The following COL5A2 variants were observed in gnomAD, a reference collection of about 807,000 sequenced individuals.
The protein encoded by COL5A2 is collagen type V alpha 2 chain.
COL5A2 carries 23 observed loss-of-function variants against 208.2 expected under a neutral mutation model. The observed-to-expected ratio is 0.11, with a 90% CI of 0.08 to 0.16. The LOEUF is 0.16. Among genes scored for constraint, COL5A2 ranks in the 10% least tolerant of loss-of-function variants. COL5A2 has a pLI of 1.00. For missense variants in COL5A2, 1,590 were observed against 1,956.4 expected, an observed-to-expected ratio of 0.81 and a Z score of 3.53; for synonymous variants, 625 against 628.5, an observed-to-expected ratio of 0.99 and a Z score of 0.08.
the COL5A2 span, among the ~76,000 whole-genome samples, chr2:189,412,701 C>G: frequency 6.6e-6 from 1 of 152,122 alleles, no homozygotes; most frequent in African/African-American, 2.4e-5. Flanking sequence ...CATTTACATA[C>G]CAATGAATTG....
At chr2:189,277,487 A>G in the COL5A2 span, among the ~76,000 whole-genome samples, 1 of 152,080 alleles carries the variant, frequency 6.6e-6, no homozygotes, top group Non-Finnish European at 1.5e-5. Context: ...TATACCCCTT[A>G]AGAGCCAAAC....
chr2:189,128,984 G>C (rs1405838936), intron 1 of COL5A2, among the ~76,000 whole-genome samples: 1 of 151,820 alleles, frequency 6.6e-6, no homozygotes, highest in African/African-American at 2.4e-5. Context: ...TTAGGACTCT[G>C]GTATTTCGGT....
the COL5A2 span, among the ~76,000 whole-genome samples, chr2:189,287,271 G>A: frequency 6.6e-6 from 1 of 151,818 alleles, no homozygotes; most frequent in African/African-American, 2.4e-5. Flanking sequence ...TATCATTAAA[G>A]GTATAAAATT....
At chr2:189,080,611 C>T (rs1686509967) in intron 13 of COL5A2, among the ~76,000 whole-genome samples, 1 of 151,960 alleles carries the variant, frequency 6.6e-6, no homozygotes, top group Non-Finnish European at 1.5e-5. Context: ...TAGACTGGGT[C>T]CCTTCTGTGA....
At chr2:189,388,576 G>T in the COL5A2 span, among the ~76,000 whole-genome samples, 1 of 152,140 alleles carries the variant, frequency 6.6e-6, no homozygotes, top group Non-Finnish European at 1.5e-5. Flanking sequence ...AGGCATTACA[G>T]GCTTTCAAAG....
At chr2:189,350,259 GGAAACGATCA>G in the COL5A2 span, among the ~76,000 whole-genome samples, 1 of 152,042 alleles carries the variant, frequency 6.6e-6, no homozygotes, top group South Asian at 2.1e-4. Flanking sequence ...CATGTGATCA[GGAAACGATCA>G]GAAAGACACA....
Position 189,102,615 on chromosome 2 carries a change from A to G in COL5A2, c.336+1649T>C, listed in dbSNP as rs145481390. On this transcript the variant is annotated intron_variant, in intron 3 of 53. Coordinates refer to ENST00000374866, the MANE Select transcript of COL5A2 (RefSeq NM_000393.5). ...GTGCATTACAATTACTTATCATTTA[A>G]TACCATGTGGACATGCTTTGTAGAA... Among the ~76,000 whole-genome samples the G allele has an allele frequency of 4.9e-4, 74 of 152,218 alleles. No homozygotes were observed. In the Middle Eastern group the frequency reaches 0.01, roughly 21 times the overall value.
intron 1 of COL5A2, among the ~76,000 whole-genome samples, chr2:189,112,198 C>A (rs1576534898): frequency 6.6e-6 from 1 of 152,060 alleles, no homozygotes; most frequent in Admixed American, 6.6e-5. Flanking sequence ...CATAGAACAG[C>A]CATTTAATAA....
At chr2:189,041,457 T>A in intron 50 of COL5A2, 129 bp downstream of exon 50, 1 of 776,268 alleles carries the variant, frequency 1.3e-6, no homozygotes, top group Non-Finnish European at 2.3e-6. Context: ...TATACTCTTG[T>A]GTGACTTCTA....
At chr2:189,331,683 G>A in the COL5A2 span, among the ~76,000 whole-genome samples, 13 of 151,970 alleles carry the variant, frequency 8.6e-5, no homozygotes, top group African/African-American at 3.1e-4. Context: ...TCTTTTTCCT[G>A]TATATGTCTT....
chr2:189,327,695 T>C, the COL5A2 span, among the ~76,000 whole-genome samples: 2 of 152,210 alleles, frequency 1.3e-5, no homozygotes, highest in African/African-American at 2.4e-5. Flanking sequence ...TACCCATACA[T>C]AATAAATTAC....
In COL5A2 at chr2:189,058,896, AT is replaced by A; in HGVS notation, c.2086-4del. On this transcript the variant is annotated splice_polypyrimidine_tract_variant and splice_region_variant and intron_variant, in intron 31 of 53. Coordinates refer to ENST00000374866, the MANE Select transcript of COL5A2 (RefSeq NM_000393.5). ...GCTCCGGGATCTCCAGGAACACCCT[AT>A]AAACACATTTTTTTTTTTTAATGGA... 1.3e-6 allele frequency: 2 copies of A among 1,533,276 alleles called. No individual in the cohort carries two copies. Among genetic ancestry groups the A allele is most frequent in the Non-Finnish European group, 1.8e-6 (2 of 1,142,068 alleles). The allele number at this position is 1,533,276 out of a possible 1,614,324, so 95.0% of individuals were successfully genotyped here.
Position 189,033,975 on chromosome 2 carries a change from CAA to C in COL5A2, c.*93_*94del, listed in dbSNP as rs1685389913. 8 of 1,537,026 alleles carry C rather than the reference CAA, an allele frequency of 5.2e-6. No homozygotes were observed. The highest frequency in any genetic ancestry group is 1.7e-5 in the Admixed American group (1 of 59,800). ...GCTGATGCAGGATCAGCCATTACTT[CAA>C]GAGTCTCAGGATCAACTTCAAACAG... On this transcript the variant is annotated 3_prime_UTR_variant, in exon 54 of 54. Coordinates refer to ENST00000374866, the MANE Select transcript of COL5A2 (RefSeq NM_000393.5).
chr2:189,307,996 C>T, the COL5A2 span, among the ~76,000 whole-genome samples: 1 of 152,094 alleles, frequency 6.6e-6, no homozygotes, highest in Non-Finnish European at 1.5e-5. Context: ...TTAATAAACT[C>T]GCTTTTGCTT....
chr2:189,276,292 C>G, the COL5A2 span, among the ~76,000 whole-genome samples: 1 of 152,128 alleles, frequency 6.6e-6, no homozygotes, highest in South Asian at 2.1e-4. Flanking sequence ...ACTCTGAGAA[C>G]AGAGTTGAAG....
At chr2:189,399,556 C>T in the COL5A2 span, among the ~76,000 whole-genome samples, 3 of 151,932 alleles carry the variant, frequency 2.0e-5, no homozygotes, top group Non-Finnish European at 4.4e-5. Flanking sequence ...TGCCTACATT[C>T]GTTTTTGAAG....
chr2:189,252,906 T>C, the COL5A2 span, among the ~76,000 whole-genome samples: 1 of 152,166 alleles, frequency 6.6e-6, no homozygotes, highest in Non-Finnish European at 1.5e-5. Flanking sequence ...ATGATGGGAC[T>C]GTGAAGGAAA....
At chr2:189,082,123 C>T (rs1450990886) in intron 12 of COL5A2, among the ~76,000 whole-genome samples, 1 of 152,182 alleles carries the variant, frequency 6.6e-6, no homozygotes, top group East Asian at 1.9e-4. Context: ...ACTCTCATAG[C>T]ACTTTAACCT....
At chr2:189,264,490 A>T in the COL5A2 span, among the ~76,000 whole-genome samples, 2 of 152,192 alleles carry the variant, frequency 1.3e-5, no homozygotes, top group Non-Finnish European at 2.9e-5. Flanking sequence ...AGTAAACTCA[A>T]AAACAGGAAA....
Sources: allele counts gnomAD v4.1 joint callset (sites outside exome capture counted in the v4.1 genomes callset), GRCh38; gene constraint gnomAD v4.1.1; transcripts MANE v1.5; gene names NCBI Gene and HGNC (gene_info 2026-07-23, HGNC 2026-07-21).